KIF13B: variants seen among roughly 807,000 people sequenced by gnomAD.
KIF13B encodes the protein kinesin-like protein KIF13B.
Under a neutral mutation model 222.0 loss-of-function variants are expected in KIF13B, and 127 were observed. That is an observed-to-expected ratio of 0.57 (90% CI 0.50 to 0.66). The LOEUF is 0.66. Ranked by LOEUF, KIF13B falls within the 30% of genes least tolerant of loss-of-function variation. KIF13B has a pLI of 0.00. For synonymous variants in KIF13B, 976 were observed against 919.0 expected (o/e 1.06, Z -1.12); for missense variants, 2,173 against 2,379.0 (o/e 0.91, Z 1.80).
intron 2 of KIF13B, among the ~76,000 whole-genome samples, chr8:29,232,194 G>A (rs927956886): frequency 2.0e-5 from 3 of 151,904 alleles, no homozygotes; most frequent in Non-Finnish European, 4.4e-5. Flanking sequence ...AAAGGTTGAG[G>A]CTGCAGTAAG....
At chr8:29,199,086 T>TTTTTTTTTTTTTTTTTTTTTTA (rs1358025375) in intron 2 of KIF13B, among the ~76,000 whole-genome samples, 9 of 151,852 alleles carry the variant, frequency 5.9e-5, no homozygotes, top group African/African-American at 1.9e-4. Context: ...AATAAAATTT[T>TTTTTTTTTTTTTTTTTTTTTTA]TTAAAAAATA....
chr8:29,150,003 A>T (rs1811227781), intron 15 of KIF13B, among the ~76,000 whole-genome samples: 1 of 152,260 alleles, frequency 6.6e-6, no homozygotes, highest in Non-Finnish European at 1.5e-5. Flanking sequence ...AAAAACATTA[A>T]TAAATTCTTA....
chr8:29,125,834 C>T (rs993310675), intron 26 of KIF13B, among the ~76,000 whole-genome samples: 2 of 151,888 alleles, frequency 1.3e-5, no homozygotes, highest in Non-Finnish European at 2.9e-5. Context: ...TTCAGTCGGG[C>T]GCGGTGGCTC....
rs1809271288 is a variant in KIF13B at position 29,109,861 on chromosome 8, C to T, written c.4083+57G>A. ...ACACTGTGAATTACAGAGTCAAACA[C>T]AGACTCAGCCTGCATCAGGGCCTCT... On this transcript the variant is annotated intron_variant, in intron 33 of 39. Transcript: ENST00000524189. The T allele has an allele frequency of 3.2e-6, 5 of 1,555,616 alleles. No individual in the cohort carries two copies. In the East Asian group the frequency reaches 6.8e-5, roughly 21 times the overall value.
intron 35 of KIF13B, among the ~76,000 whole-genome samples, chr8:29,102,197 C>A (rs1045939243): frequency 1.3e-5 from 2 of 152,170 alleles, no homozygotes; most frequent in Non-Finnish European, 2.9e-5. Context: ...AAACCTCTGG[C>A]TCTCTCAATA....
At chr8:29,083,072 T>G (rs1023519698) in intron 37 of KIF13B, among the ~76,000 whole-genome samples, 10 of 151,954 alleles carry the variant, frequency 6.6e-5, no homozygotes, top group Non-Finnish European at 1.3e-4. Flanking sequence ...AAAGCTGCAA[T>G]GAGCCATGAT....
intron 37 of KIF13B, among the ~76,000 whole-genome samples, chr8:29,091,020 A>G (rs1345227414): frequency 6.6e-6 from 1 of 152,178 alleles, no homozygotes; most frequent in Non-Finnish European, 1.5e-5. Context: ...ACTCGGCCAT[A>G]TATTTTATAT....
intron 35 of KIF13B, among the ~76,000 whole-genome samples, chr8:29,101,848 G>A (rs987771435): frequency 3.3e-5 from 5 of 152,102 alleles, no homozygotes; most frequent in African/African-American, 4.8e-5. Context: ...TGGGTACCAC[G>A]CGCTTCCCTC....
chr8:29,197,899 G>A (rs1306456812), intron 2 of KIF13B, among the ~76,000 whole-genome samples: 1 of 152,118 alleles, frequency 6.6e-6, no homozygotes, highest in Non-Finnish European at 1.5e-5. Flanking sequence ...TTTTGAAACT[G>A]GAATAAAATA....
At position 29,080,175 on chromosome 8, in the gene KIF13B, C is replaced by G. The variant is rs1586748356; in HGVS notation, c.4459-4832G>C. Among the ~76,000 whole-genome samples the G allele has an allele frequency of 2.6e-5, 4 of 152,062 alleles. No individual in the cohort carries two copies. The South Asian group carries it at 8.3e-4, about 32-fold the overall frequency. On this transcript the variant is annotated intron_variant, in intron 37 of 39. Coordinates refer to ENST00000524189, the MANE Select transcript of KIF13B (RefSeq NM_015254.4). ...TGGAAAACATGGAAAAACTCCATCT[C>G]TACAAAGATTAAATTAGCTGGGCGT...
chr8:29,192,784 T>C (rs1813243894), intron 3 of KIF13B, among the ~76,000 whole-genome samples: 4 of 151,792 alleles, frequency 2.6e-5, no homozygotes, highest in South Asian at 2.1e-4. Flanking sequence ...CGACAGGCGA[T>C]GGGGGAAGTG....
At chr8:29,249,661 C>CA (rs747027127) in intron 1 of KIF13B, among the ~76,000 whole-genome samples, 68 of 152,162 alleles carry the variant, frequency 4.5e-4, no homozygotes, top group Admixed American at 1.1e-3. Flanking sequence ...CTGTGCTGGC[C>CA]AAAACTTAAC....
At chr8:29,117,042 C>T (rs1303164567) in intron 30 of KIF13B, 35 bp from the exon 31 acceptor site, 1 of 1,514,902 alleles carries the variant, frequency 6.6e-7, no homozygotes, top group East Asian at 2.4e-5. Flanking sequence ...AGGTTTCTCT[C>T]TTCTCCAGAA....
intron 1 of KIF13B, among the ~76,000 whole-genome samples, chr8:29,248,275 G>T (rs1248393399): frequency 6.6e-6 from 1 of 152,114 alleles, no homozygotes; most frequent in Non-Finnish European, 1.5e-5. Flanking sequence ...CCAAAAAGTG[G>T]ACACAACCCA....
At chr8:29,250,558 C>T (rs1816238984) in intron 1 of KIF13B, among the ~76,000 whole-genome samples, 1 of 152,182 alleles carries the variant, frequency 6.6e-6, no homozygotes, top group Non-Finnish European at 1.5e-5. Context: ...TTAAAAATGT[C>T]CCTTACATCT....
chr8:29,073,525 A>T (rs959848355), intron 38 of KIF13B, among the ~76,000 whole-genome samples: 3 of 152,236 alleles, frequency 2.0e-5, no homozygotes, highest in African/African-American at 7.2e-5. Flanking sequence ...CAGTGACCGA[A>T]GAAAAGGAGA....
At chr8:29,120,053 C>A (rs1172784200) in intron 29 of KIF13B, among the ~76,000 whole-genome samples, 6 of 152,178 alleles carry the variant, frequency 3.9e-5, no homozygotes, top group African/African-American at 1.4e-4. Flanking sequence ...ATCTACTCTT[C>A]CATTTTCTAT....
rs1310088642 is a variant in KIF13B, at chr8:29,262,923, G to A, written c.55+57C>T. The A allele has an allele frequency of 4.8e-6, 7 of 1,446,014 alleles. No individual in the cohort carries two copies. In the African/African-American group the frequency reaches 7.4e-5, roughly 15 times the overall value. The allele number at this position is 1,446,014 out of a possible 1,614,324, so 89.6% of individuals were successfully genotyped here. ...GACCCCCCACGGCGGCCGAGGGAAG[G>A]GCGCGCCAGGCACCTGCCGCCTCCG... On this transcript the variant is annotated intron_variant, in intron 1 of 39. Transcript: ENST00000524189.
intron 1 of KIF13B, among the ~76,000 whole-genome samples, chr8:29,247,489 G>A (rs1816079955): frequency 6.6e-6 from 1 of 152,074 alleles, no homozygotes; most frequent in Non-Finnish European, 1.5e-5. Context: ...TATCTAATAA[G>A]GAACTTGCAT....
Sources: gnomAD v4.1 joint callset for allele counts (sites outside exome capture counted in the v4.1 genomes callset) on GRCh38, gnomAD v4.1.1 for gene constraint, MANE v1.5 for transcripts, NCBI Gene and HGNC (gene_info 2026-07-23, HGNC 2026-07-21) for gene names.